Variants in ANXA8 observed in about 807,000 individuals in gnomAD.
ANXA8 encodes annexin A8.
In ANXA8, 9 loss-of-function variants were observed where a neutral mutation model predicts 26.8. The observed-to-expected ratio is 0.34, with a 90% CI of 0.20 to 0.59. ANXA8 has a LOEUF of 0.59. ANXA8 is among the 20% of genes least tolerant of loss of function. The pLI, the probability that ANXA8 is intolerant of heterozygous loss-of-function variation, is 0.84. For synonymous variants in ANXA8, 39 were observed against 94.8 expected (o/e 0.41, Z 3.42); for missense variants, 83 against 238.5 (o/e 0.35, Z 4.29).
At chr10:47,907,227 G>C in the ANXA8 span, among the ~76,000 whole-genome samples, 20 of 151,988 alleles carry the variant, frequency 1.3e-4, no homozygotes, top group Non-Finnish European at 1.5e-5. Context: ...CGTGGTGGCG[G>C]GTGCTTGTAG....
the ANXA8 span, among the ~76,000 whole-genome samples, chr10:47,951,520 T>C: frequency 3.3e-5 from 5 of 150,462 alleles, no homozygotes; most frequent in African/African-American, 7.4e-5. Flanking sequence ...CCACAAGGAA[T>C]ATACATGCAG....
chr10:47,657,238 T>C, the ANXA8 span, among the ~76,000 whole-genome samples: 3 of 151,730 alleles, frequency 2.0e-5, no homozygotes, highest in African/African-American at 7.3e-5. Flanking sequence ...TAATTTGTTT[T>C]TTAAATTTAG....
chr10:47,609,489 G>T, the ANXA8 span, among the ~76,000 whole-genome samples: 51,852 of 75,076 alleles, frequency 0.69, 17,773 homozygotes, highest in South Asian at 0.79. Flanking sequence ...TCACACTAGG[G>T]TGTTTGGGTA....
At chr10:47,561,759 C>T in the ANXA8 span, among the ~76,000 whole-genome samples, 7 of 151,502 alleles carry the variant, frequency 4.6e-5, no homozygotes, top group African/African-American at 1.7e-4. Flanking sequence ...CAAAGTCTGC[C>T]CTCGTGGTGC....
chr10:47,988,614 C>A, the ANXA8 span, among the ~76,000 whole-genome samples: 1 of 135,520 alleles, frequency 7.4e-6, no homozygotes, highest in Non-Finnish European at 1.6e-5. Flanking sequence ...GAACCCCAAA[C>A]AGCACCTGGG....
At chr10:47,959,318 G>T in the ANXA8 span, among the ~76,000 whole-genome samples, 3 of 147,254 alleles carry the variant, frequency 2.0e-5, no homozygotes, top group Non-Finnish European at 4.4e-5. Flanking sequence ...GTGGTTCCCT[G>T]CTTTGAGAAA....
chr10:47,979,707 T>C, the ANXA8 span, among the ~76,000 whole-genome samples: 3 of 149,702 alleles, frequency 2.0e-5, no homozygotes, highest in Non-Finnish European at 4.5e-5. Context: ...CCTTTGAGGA[T>C]GGAGGAAGGG....
chr10:47,502,240 A>G, the ANXA8 span: 1 of 1,590,466 alleles, frequency 6.3e-7, no homozygotes, highest in Non-Finnish European at 8.5e-7. Flanking sequence ...GCGGCAGGCC[A>G]GATGGAGTGC....
At chr10:47,668,987 G>A in the ANXA8 span, among the ~76,000 whole-genome samples, 2 of 151,892 alleles carry the variant, frequency 1.3e-5, no homozygotes, top group African/African-American at 2.4e-5. Flanking sequence ...TGCCACTTCT[G>A]TGAGAGAGTG....
the ANXA8 span, among the ~76,000 whole-genome samples, chr10:47,498,397 G>GC: frequency 7.0e-6 from 1 of 142,900 alleles, no homozygotes; most frequent in African/African-American, 2.6e-5. Context: ...CAATTCATCT[G>GC]CCTATGGACA....
chr10:47,703,327 G>A, the ANXA8 span, among the ~76,000 whole-genome samples: 3 of 151,692 alleles, frequency 2.0e-5, no homozygotes, highest in South Asian at 2.1e-4. Flanking sequence ...CAGCACTTTG[G>A]GAGGCTGAGG....
At chr10:47,904,037 A>AT in the ANXA8 span, among the ~76,000 whole-genome samples, 1 of 38,608 alleles carries the variant, frequency 2.6e-5, no homozygotes, top group Non-Finnish European at 5.0e-5. Context: ...TTTTATTATT[A>AT]TTTTTTTTGA....
chr10:47,702,493 A>G, the ANXA8 span, among the ~76,000 whole-genome samples: 1 of 151,052 alleles, frequency 6.6e-6, no homozygotes, highest in Non-Finnish European at 1.5e-5. Flanking sequence ...GGTACGTGCC[A>G]CCACGCCCAG....
chr10:47,749,357 C>T, the ANXA8 span, among the ~76,000 whole-genome samples: 4 of 150,482 alleles, frequency 2.7e-5, no homozygotes, highest in South Asian at 2.1e-4. Context: ...GATAGAATCA[C>T]AGAAATGCAG....
At chr10:47,945,092 C>T in the ANXA8 span, among the ~76,000 whole-genome samples, 1 of 150,532 alleles carries the variant, frequency 6.6e-6, no homozygotes, top group African/African-American at 2.5e-5. Flanking sequence ...GATGCTCTTG[C>T]TGACCCCCAA....
the ANXA8 span, among the ~76,000 whole-genome samples, chr10:47,747,173 G>C: frequency 6.6e-6 from 1 of 151,520 alleles, no homozygotes; most frequent in East Asian, 1.9e-4. Context: ...CGAGCATTTG[G>C]GCAGACGGCC....
the ANXA8 span, among the ~76,000 whole-genome samples, chr10:47,671,668 G>A: frequency 6.6e-6 from 1 of 151,708 alleles, no homozygotes; most frequent in Non-Finnish European, 1.5e-5. Context: ...AACCTTAGAT[G>A]CTGTTTTGGA....
the ANXA8 span, among the ~76,000 whole-genome samples, chr10:47,607,135 CAG>C: frequency 6.9e-6 from 1 of 144,238 alleles, no homozygotes; most frequent in Non-Finnish European, 1.5e-5. Flanking sequence ...TCAATTAAGA[CAG>C]GGTGCACAGA....
chr10:47,525,430 T>C, the ANXA8 span, among the ~76,000 whole-genome samples: 1 of 142,110 alleles, frequency 7.0e-6, no homozygotes, highest in Non-Finnish European at 1.5e-5. Flanking sequence ...AACAAAACCC[T>C]ATAAGATCTC....
Sources: gnomAD v4.1 joint callset for allele counts (sites outside exome capture counted in the v4.1 genomes callset) on GRCh38, gnomAD v4.1.1 for gene constraint, MANE v1.5 for transcripts, NCBI Gene and HGNC (gene_info 2026-07-23, HGNC 2026-07-21) for gene names.